Variants in DNAH12 observed in about 807,000 individuals in gnomAD.
DNAH12 encodes the protein axonemal beta dynein heavy chain 12.
Under a neutral mutation model 371.5 loss-of-function variants are expected in DNAH12, and 285 were observed. The ratio of observed to expected loss-of-function variants is 0.77; its 90% CI spans 0.70 to 0.85. The LOEUF (loss-of-function observed/expected upper bound fraction) is 0.85. Among genes scored for constraint, DNAH12 ranks in the 40% least tolerant of loss-of-function variants. The pLI is 0.00. For missense variants in DNAH12, 3,611 were observed against 3,689.4 expected, an observed-to-expected ratio of 0.98 and a Z score of 0.55; for synonymous variants, 1,200 against 1,213.0, an observed-to-expected ratio of 0.99 and a Z score of 0.22.
intron 50 of DNAH12, among the ~76,000 whole-genome samples, chr3:57,380,598 G>A (rs2063368674): frequency 6.6e-6 from 1 of 152,158 alleles, no homozygotes; most frequent in Non-Finnish European, 1.5e-5. Flanking sequence ...CCGAGTAGCT[G>A]AGACTACAGG....
At chr3:57,315,678 G>A (rs1481082880) in intron 65 of DNAH12, among the ~76,000 whole-genome samples, 1 of 151,988 alleles carries the variant, frequency 6.6e-6, no homozygotes, top group Non-Finnish European at 1.5e-5. Context: ...ATCCCAGGAA[G>A]CAGGAAAGGA....
chr3:57,359,105 A>ATTT (rs2062863233), intron 58 of DNAH12, among the ~76,000 whole-genome samples: 5 of 152,210 alleles, frequency 3.3e-5, no homozygotes, highest in Non-Finnish European at 7.3e-5. Flanking sequence ...ACATTAAATA[A>ATTT]TAACTTAATT....
upstream of DNAH12, among the ~76,000 whole-genome samples, chr3:57,545,422 A>T (rs2069494001): frequency 6.6e-6 from 1 of 151,544 alleles, no homozygotes; most frequent in Non-Finnish European, 1.5e-5. Flanking sequence ...GCCTCCCAAA[A>T]TGCTGGGATT....
intron 41 of DNAH12, 102 bp downstream of exon 41, chr3:57,405,551 G>C (rs373979881): frequency 0.029 from 36,277 of 1,263,042 alleles, 601 homozygotes; most frequent in Middle Eastern, 0.034. Context: ...AATGCTAAAA[G>C]AATATGTTCA....
intron 29 of DNAH12, among the ~76,000 whole-genome samples, chr3:57,443,308 C>G (rs2065368715): frequency 6.6e-6 from 1 of 152,050 alleles, no homozygotes; most frequent in Non-Finnish European, 1.5e-5. Flanking sequence ...CAGGGTTTCA[C>G]CATGTTGGCC....
At chr3:57,371,669 G>GCA (rs878975719) in intron 55 of DNAH12, among the ~76,000 whole-genome samples, 63,646 of 146,922 alleles carry the variant, frequency 0.43, 14,030 homozygotes, top group Non-Finnish European at 0.48. Flanking sequence ...CTCAAAACAC[G>GCA]CACACACACA....
Position 57,309,201 on chromosome 3 carries a change from A to G in DNAH12, c.11139T>C (p.Tyr3713=), listed in dbSNP as rs919637567. The G allele has an allele frequency of 1.2e-5, 18 of 1,550,506 alleles. No individual in the cohort carries two copies. The highest frequency in any genetic ancestry group is 2.0e-5 in the Admixed American group (1 of 50,704). ...CTAACACAGTATTCATGCTTTCTTCATATCTCACAGGATACTTCCGTAGTG... is the reference window on the plus strand; with the variant it reads ...CTAACACAGTATTCATGCTTTCTTCGTATCTCACAGGATACTTCCGTAGTG... ...EMALRKYPVR[Y]EESMNTVLVQ... is the part of the protein sequence containing the mutation. Residue 3713 remains tyrosine (Y), a synonymous_variant, in exon 69 of 74, where the codon TAT becomes TAC. Transcript: ENST00000495027.
At chr3:57,337,984 A>T (rs1403018832) in intron 60 of DNAH12, among the ~76,000 whole-genome samples, 1 of 152,170 alleles carries the variant, frequency 6.6e-6, no homozygotes, top group Non-Finnish European at 1.5e-5. Context: ...CACAAAAAAG[A>T]AACCTTAAAA....
intron 34 of DNAH12, chr3:57,428,295 G>C: frequency 1.0e-6 from 1 of 991,382 alleles, no homozygotes; most frequent in East Asian, 6.0e-5. Context: ...AATATGTAAA[G>C]TTTTCTCATA....
At position 57,508,362 on chromosome 3, in the gene DNAH12, T is replaced by C; in HGVS notation, c.701+20A>G. The C allele has an allele frequency of 6.4e-7, 1 of 1,570,656 alleles. No homozygotes were observed. The highest frequency in any genetic ancestry group is 8.6e-7 in the Non-Finnish European group (1 of 1,164,074). ...CTCAAGCAAGGAGACATTCAAATTT[T>C]AAATTAAACGGGATTTTACCTAATT... On this transcript the variant is annotated intron_variant, in intron 7 of 73. Coordinates refer to ENST00000495027, the MANE Select transcript of DNAH12 (RefSeq NM_001366028.2).
intron 4 of DNAH12, among the ~76,000 whole-genome samples, chr3:57,515,852 A>G (rs979655936): frequency 4.6e-5 from 7 of 151,968 alleles, no homozygotes; most frequent in Non-Finnish European, 1.0e-4. Flanking sequence ...TAAAGCATAC[A>G]GGGGAATTCT....
At chr3:57,402,889 T>C (rs917013201) in intron 43 of DNAH12, among the ~76,000 whole-genome samples, 1 of 152,232 alleles carries the variant, frequency 6.6e-6, no homozygotes, top group Non-Finnish European at 1.5e-5. Flanking sequence ...GACTCCATAG[T>C]TATTCATTTT....
intron 13 of DNAH12, among the ~76,000 whole-genome samples, chr3:57,478,690 A>C (rs553679905): frequency 5.5e-4 from 84 of 152,228 alleles, no homozygotes; most frequent in Non-Finnish European, 1.0e-3. Flanking sequence ...TTGGGTTACC[A>C]ACAAAGGGAA....
chr3:57,508,432 A>G lies in DNAH12; in HGVS notation c.651T>C (p.Leu217=), dbSNP rs750365824. 1 of 1,612,244 alleles carries G rather than the reference A, an allele frequency of 6.2e-7. No individual in the cohort carries two copies. Among genetic ancestry groups the G allele is most frequent in the South Asian group, 1.1e-5 (1 of 90,432 alleles). The part of the protein sequence containing the change: ...IHPTMKMLLD[L]GYTTFADTVL... ...CTGTATCAGCAAATGTTGTATAACC[A>G]AGGTCCAGTAACATTTTCATAGTTG... is the stretch of plus-strand genomic sequence containing the variant. The change falls in exon 7 of 74, where the codon CTT becomes CTC. Residue 217 remains leucine, a synonymous_variant. Transcript: ENST00000495027.
At chr3:57,520,926 C>G (rs2068405267) in intron 4 of DNAH12, among the ~76,000 whole-genome samples, 1 of 151,334 alleles carries the variant, frequency 6.6e-6, no homozygotes, top group South Asian at 2.1e-4. Context: ...TTGATGAAGT[C>G]TAATTTACTG....
chr3:57,301,676 TTACACACAC>T, intron 70 of DNAH12, 50 bp downstream of exon 70: 1 of 1,423,352 alleles, frequency 7.0e-7, no homozygotes, highest in Non-Finnish European at 9.4e-7. Flanking sequence ...TACATGTATT[TTACACACAC>T]ACACACACAC....
At chr3:57,447,290 A>C (rs1051834508) in intron 25 of DNAH12, among the ~76,000 whole-genome samples, 1 of 152,182 alleles carries the variant, frequency 6.6e-6, no homozygotes, top group Non-Finnish European at 1.5e-5. Context: ...TTAGTCTTTA[A>C]AGTGCTTAAT....
At chr3:57,436,571 T>A (rs527929924) in intron 30 of DNAH12, among the ~76,000 whole-genome samples, 1 of 152,342 alleles carries the variant, frequency 6.6e-6, no homozygotes, top group Admixed American at 6.5e-5. Context: ...GTTGTAGGTC[T>A]CTGGATCAAG....
intron 11 of DNAH12, among the ~76,000 whole-genome samples, chr3:57,500,685 T>C (rs997887330): frequency 6.6e-6 from 1 of 152,198 alleles, no homozygotes; most frequent in South Asian, 2.1e-4. Flanking sequence ...CATATCTCTA[T>C]TCTAGTACTT....
Sources: gnomAD v4.1 joint callset for allele counts (sites outside exome capture counted in the v4.1 genomes callset) on GRCh38, gnomAD v4.1.1 for gene constraint, MANE v1.5 for transcripts, NCBI Gene and HGNC (gene_info 2026-07-23, HGNC 2026-07-21) for gene names.